The following SLC7A5 variants were observed in gnomAD, a reference collection of about 807,000 sequenced individuals.
The protein encoded by SLC7A5 is large neutral amino acids transporter small subunit 1.
SLC7A5 carries 23 observed loss-of-function variants against 50.2 expected under a neutral mutation model. The ratio of observed to expected loss-of-function variants is 0.46; its 90% confidence interval spans 0.33 to 0.65. The LOEUF (loss-of-function observed/expected upper bound fraction) is 0.65, where lower values mean the gene tolerates loss of function less well. Ranked by LOEUF, SLC7A5 falls within the 30% of genes least tolerant of loss-of-function variation. SLC7A5 has a pLI of 0.02. For missense variants in SLC7A5, 578 were observed against 684.4 expected, an observed-to-expected ratio of 0.84 and a Z score of 1.73; for synonymous variants, 393 against 330.6, an observed-to-expected ratio of 1.19 and a Z score of -2.05.
chr16:87,837,838 G>C lies in SLC7A5; in HGVS notation c.1140+7C>G. ...ATGTAGGGCACAGGGCCGTGCAGCAGGCTTACCGTGAACACGAGGGACGGC... is the reference window on the plus strand; with the variant it reads ...ATGTAGGGCACAGGGCCGTGCAGCACGCTTACCGTGAACACGAGGGACGGC... On this transcript the variant is annotated splice_region_variant and intron_variant, in intron 7 of 9. Transcript: ENST00000261622. 1 of 1,599,666 alleles carries C rather than the reference G, an allele frequency of 6.3e-7. No homozygotes were observed. The highest frequency in any genetic ancestry group is 1.3e-5 in the African/African-American group (1 of 75,002).
intron 4 of SLC7A5, 141 bp downstream of exon 4, chr16:87,840,288 C>T (rs2055066412): frequency 1.3e-6 from 1 of 768,786 alleles, no homozygotes; most frequent in Non-Finnish European, 2.3e-6. Flanking sequence ...CGCCCCACAT[C>T]CTGCTGGCCC....
chr16:87,840,527 AT>A, intron 3 of SLC7A5, 54 bp from the exon 4 acceptor site: 33 of 1,452,598 alleles, frequency 2.3e-5, no homozygotes, highest in Non-Finnish European at 3.2e-5. Flanking sequence ...GGGAAAATAA[AT>A]CACCGGGGAG....
chr16:87,861,750 A>T lies in SLC7A5; in HGVS notation c.538+7135T>A, dbSNP rs1247362142. On this transcript the variant is annotated intron_variant, in intron 1 of 9. Transcript: ENST00000261622. This position sits in a 1 kb window ranked among gnomAD's most constrained non-coding sequence, Gnocchi z 4.2. ...ATTCTGCACATTCTGCTGGATTATG[A>T]AAGAGGTCTGTGACCCAAGAAAAAA... Among the ~76,000 whole-genome samples, 3 of 152,184 alleles carry T rather than the reference A, an allele frequency of 2.0e-5. No individual in the cohort carries two copies. Among genetic ancestry groups the T allele is most frequent in the African/African-American group, 7.2e-5 (3 of 41,432 alleles).
At chr16:87,854,326 C>T (rs1371208022) in intron 1 of SLC7A5, among the ~76,000 whole-genome samples, 1 of 152,230 alleles carries the variant, frequency 6.6e-6, no homozygotes, top group African/African-American at 2.4e-5. Flanking sequence ...TTCATGTTCA[C>T]TGACTTTGGG....
intron 1 of SLC7A5, among the ~76,000 whole-genome samples, chr16:87,866,104 C>T (rs8051042): frequency 5.5e-5 from 7 of 126,956 alleles, no homozygotes; most frequent in East Asian, 2.2e-4. Context: ...TATGGGGGGG[C>T]GGGGGTGCGG....
chr16:87,840,143 C>T (rs1412930266), intron 4 of SLC7A5, among the ~76,000 whole-genome samples: 1 of 152,232 alleles, frequency 6.6e-6, no homozygotes, highest in Non-Finnish European at 1.5e-5. Context: ...AGGCTCTGCC[C>T]ACGAGCTGCA....
chr16:87,838,617 G>A lies in SLC7A5; in HGVS notation c.1043+97C>T. 3 of 951,472 alleles carry A rather than the reference G, an allele frequency of 3.2e-6. No homozygotes were observed. The South Asian group carries it at 3.9e-5, about 12-fold the overall frequency. 58.9% of individuals were successfully genotyped at this position (951,472 alleles called of 1,614,324 possible). Reference sequence around the variant, plus strand: ...CTATTTGAGCAATTATGCATCCCCAGTATCACAGAGACAAACCTTTTACAG... The same window carrying A: ...CTATTTGAGCAATTATGCATCCCCAATATCACAGAGACAAACCTTTTACAG... On this transcript the variant is annotated intron_variant, in intron 6 of 9. Coordinates refer to ENST00000261622, the MANE Select transcript of SLC7A5 (RefSeq NM_003486.7).
intron 3 of SLC7A5, among the ~76,000 whole-genome samples, chr16:87,840,832 C>G (rs1016470372): frequency 6.6e-6 from 1 of 152,170 alleles, no homozygotes; most frequent in African/African-American, 2.4e-5. Context: ...GGAGCTAGAG[C>G]CAGAGTAGGG....
intron 1 of SLC7A5, among the ~76,000 whole-genome samples, chr16:87,859,126 C>T (rs2055356641): frequency 6.6e-6 from 1 of 152,238 alleles, no homozygotes; most frequent in Non-Finnish European, 1.5e-5. Context: ...CCCACGTCAC[C>T]CCAGGCTTCC....
rs144135456 is a variant in SLC7A5 at position 87,852,725 on chromosome 16, C to CTG, written c.539-878_539-877dup. Among the ~76,000 whole-genome samples the CTG allele has an allele frequency of 6.8e-6, 1 of 146,832 alleles. No homozygotes were observed. Among genetic ancestry groups the CTG allele is most frequent in the Admixed American group, 6.8e-5 (1 of 14,728 alleles). On this transcript the variant is annotated intron_variant, in intron 1 of 9. Coordinates refer to ENST00000261622, the MANE Select transcript of SLC7A5 (RefSeq NM_003486.7). This position sits in a 1 kb window ranked among gnomAD's most constrained non-coding sequence, Gnocchi z 4.5. Reference sequence around the variant, plus strand: ...TGCAATATATAGGCACGCTGAGCCACTGTGTGTGTGTGCGTGTGTGTGTGT... The same window carrying CTG: ...TGCAATATATAGGCACGCTGAGCCACTGTGTGTGTGTGTGCGTGTGTGTGTGT...
intron 1 of SLC7A5, 88 bp from the exon 2 acceptor site, chr16:87,851,937 C>T (rs2058576023): frequency 7.2e-6 from 11 of 1,520,740 alleles, no homozygotes; most frequent in Non-Finnish European, 1.0e-5. Flanking sequence ...CCACCCCCAC[C>T]CCAGGGCCAG....
rs1355498481 is a variant in SLC7A5 at position 87,831,794 on chromosome 16, G to A, written c.*1176C>T. 6.6e-6 allele frequency: 1 copy of A among 152,376 alleles called. No individual in the cohort carries two copies. Among genetic ancestry groups the A allele is most frequent in the African/African-American group, 2.4e-5 (1 of 41,476 alleles). 9.4% of individuals were successfully genotyped at this position (152,376 alleles called of 1,614,324 possible). A position where few individuals can be genotyped will look rare whatever the true frequency, so the allele number is the denominator to read the frequency against. On this transcript the variant is annotated 3_prime_UTR_variant, in exon 10 of 10. Transcript: ENST00000261622. Reference sequence around the variant, plus strand: ...AAATTCACGGGAACAACAGAAACAAGGGGTGCCCTAGTTCCCTCTCTGCAG... The same window carrying A: ...AAATTCACGGGAACAACAGAAACAAAGGGTGCCCTAGTTCCCTCTCTGCAG...
chr16:87,859,864 C>T (rs541160180), intron 1 of SLC7A5, among the ~76,000 whole-genome samples: 31 of 152,158 alleles, frequency 2.0e-4, no homozygotes, highest in Admixed American at 4.6e-4. Flanking sequence ...TCGCTTGAAC[C>T]GGGTTGCAGT....
intron 2 of SLC7A5, among the ~76,000 whole-genome samples, chr16:87,844,562 G>A (rs1007110116): frequency 4.6e-5 from 7 of 152,200 alleles, no homozygotes; most frequent in Non-Finnish European, 8.8e-5. Context: ...TCTGTGATGC[G>A]GCCAACCCTC....
At chr16:87,854,975 C>T (rs2055296800) in intron 1 of SLC7A5, among the ~76,000 whole-genome samples, 1 of 152,268 alleles carries the variant, frequency 6.6e-6, no homozygotes, top group South Asian at 2.1e-4. Context: ...GACAGCAAGG[C>T]CCACAGCCCG....
intron 2 of SLC7A5, among the ~76,000 whole-genome samples, chr16:87,849,521 C>T (rs2055193501): frequency 2.0e-5 from 3 of 152,182 alleles, no homozygotes; most frequent in Non-Finnish European, 4.4e-5. Flanking sequence ...ATCACGTTCC[C>T]CTCCTAAATC....
chr16:87,841,132 T>G lies in SLC7A5; in HGVS notation c.688A>C (p.Asn230His). ...GKGDVSNLDP[N>H]FSFEGTKLDV... The stretch of plus-strand genomic sequence containing the variant: ...AGTTTGGTGCCTTCAAATGAGAAGT[T>G]GGGATCTAGATTGGACACATCACCT... Residue 230 changes from asparagine (N) to histidine (H), a missense_variant, in exon 3 of 10, where the codon AAC becomes CAC. Around this residue, in one of 2 missense-constraint regions of SLC7A5, gnomAD observed 465 missense variants for 594.6 expected, o/e 0.78. Transcript: ENST00000261622. This position sits in a 1 kb window ranked among gnomAD's most constrained non-coding sequence, Gnocchi z 4.8. The G allele has an allele frequency of 1.9e-6, 3 of 1,613,532 alleles. No individual in the cohort carries two copies. The highest frequency in any genetic ancestry group is 2.5e-6 in the Non-Finnish European group (3 of 1,179,592).
rs557198487 is a variant in SLC7A5, at chr16:87,847,683, C to G, written c.664+4041G>C. 3.9e-5 allele frequency among the ~76,000 whole-genome samples: 6 copies of G among 152,348 alleles called. No homozygotes were observed. The South Asian group carries it at 6.2e-4, about 16-fold the overall frequency. ...GGGAACAGAGGTGTGGGCCTCCCCCCAGCAGCGCATGACCCTGCACACTGC... is the reference window on the plus strand; with the variant it reads ...GGGAACAGAGGTGTGGGCCTCCCCCGAGCAGCGCATGACCCTGCACACTGC... On this transcript the variant is annotated intron_variant, in intron 2 of 9. Coordinates refer to ENST00000261622, the MANE Select transcript of SLC7A5 (RefSeq NM_003486.7).
At chr16:87,863,027 A>T (rs1198203348) in intron 1 of SLC7A5, among the ~76,000 whole-genome samples, 1 of 152,142 alleles carries the variant, frequency 6.6e-6, no homozygotes, top group South Asian at 2.1e-4. Context: ...CACGCCTGGG[A>T]CTGTCTCAGC....
Sources: allele counts gnomAD v4.1 joint callset (sites outside exome capture counted in the v4.1 genomes callset), GRCh38; gene constraint gnomAD v4.1.1; regional missense constraint gnomAD v4.1.1; non-coding constraint Gnocchi (gnomAD v3.1); transcripts MANE v1.5; gene names NCBI Gene and HGNC (gene_info 2026-07-23, HGNC 2026-07-21).